TRIM54: variants seen among roughly 807,000 people sequenced by gnomAD.
TRIM54 encodes tripartite motif-containing protein 54.
In TRIM54, 40 loss-of-function variants were observed where a neutral mutation model predicts 42.0. The ratio of observed to expected loss-of-function variants is 0.95; its 90% CI spans 0.74 to 1.24. TRIM54 has a LOEUF of 1.24. Ranked by LOEUF, TRIM54 falls within the 50% of genes most tolerant of loss-of-function variation. The pLI is 0.00. For synonymous variants in TRIM54, 199 were observed against 194.9 expected (o/e 1.02, Z -0.17); for missense variants, 485 against 480.3 (o/e 1.01, Z -0.09).
chr2:27,295,685 G>A lies in TRIM54; in HGVS notation c.169-2882G>A, dbSNP rs1678849242. Among the ~76,000 whole-genome samples, 3 of 152,314 alleles carry A rather than the reference G, an allele frequency of 2.0e-5. No individual in the cohort carries two copies. The South Asian group carries it at 6.2e-4, about 32-fold the overall frequency. On this transcript the variant is annotated intron_variant, in intron 1 of 8. Coordinates refer to ENST00000380075, the MANE Select transcript of TRIM54 (RefSeq NM_187841.3). ...AAGAGGAAGGGTGCAGTGAGGGATG[G>A]AGGTTGGGGAGAGCGGCTGCCCAAG... is the stretch of plus-strand genomic sequence containing the variant.
At chr2:27,288,475 A>G (rs969876596) in intron 1 of TRIM54, among the ~76,000 whole-genome samples, 1 of 152,234 alleles carries the variant, frequency 6.6e-6, no homozygotes, top group Non-Finnish European at 1.5e-5. Flanking sequence ...AGCTCATGGC[A>G]TATATTCCAC....
At chr2:27,304,241 TAGATAGATATAG>T (rs1679118704) in intron 3 of TRIM54, among the ~76,000 whole-genome samples, 1 of 130,044 alleles carries the variant, frequency 7.7e-6, no homozygotes, top group Non-Finnish European at 1.6e-5. Flanking sequence ...GATAGATAGA[TAGATAGATATAG>T]ATATACAGAT....
Position 27,304,948 on chromosome 2 carries a change from G to A in TRIM54, c.514-11G>A. ...GTCCCAGCTCTGAGTGCTGACCTGT[G>A]TGTGTATCAGAGTGAGCTCAGCGAT... On this transcript the variant is annotated splice_polypyrimidine_tract_variant and intron_variant, in intron 3 of 8. Coordinates refer to ENST00000380075, the MANE Select transcript of TRIM54 (RefSeq NM_187841.3). The A allele has an allele frequency of 6.2e-7, 1 of 1,613,170 alleles. No individual in the cohort carries two copies. Among genetic ancestry groups the A allele is most frequent in the Non-Finnish European group, 8.5e-7 (1 of 1,179,366 alleles).
At chr2:27,296,603 C>A (rs931589421) in intron 1 of TRIM54, among the ~76,000 whole-genome samples, 1 of 152,176 alleles carries the variant, frequency 6.6e-6, no homozygotes, top group Non-Finnish European at 1.5e-5. Context: ...TCTTTCCAGC[C>A]AGCAGGCAGG....
intron 1 of TRIM54, 76 bp from the exon 2 acceptor site, chr2:27,298,491 A>G (rs1385553563): frequency 1.0e-5 from 12 of 1,201,980 alleles, no homozygotes; most frequent in East Asian, 7.1e-5. Context: ...CTAGCCCCCA[A>G]GCCCTTTCCC....
In TRIM54 at chr2:27,306,565, T is replaced by TA; in HGVS notation, c.*1+25dup. ...AAGGTGAGAGCCGCCCGATGGGCCT[T>TA]AAGGTGAGAGCGGCCTGAGGGGCTT... On this transcript the variant is annotated intron_variant, in intron 8 of 8. Transcript: ENST00000380075. The surrounding 1 kb of genome is among the most constrained non-coding windows in gnomAD (Gnocchi z 6.1). 2 of 1,521,794 alleles carry TA rather than the reference T, an allele frequency of 1.3e-6. No homozygotes were observed. Among genetic ancestry groups the TA allele is most frequent in the African/African-American group, 2.8e-5 (2 of 72,282 alleles). 94.3% of individuals were successfully genotyped at this position (1,521,794 alleles called of 1,614,324 possible). A position where few individuals can be genotyped will look rare whatever the true frequency, so the allele number is the denominator to read the frequency against.
At chr2:27,304,275 TATAG>T (rs1354316401) in intron 3 of TRIM54, among the ~76,000 whole-genome samples, 12 of 139,976 alleles carry the variant, frequency 8.6e-5, no homozygotes, top group South Asian at 2.3e-4. Context: ...TATATATATA[TATAG>T]ATAGATAGAT....
Position 27,298,754 on chromosome 2 carries a change from T to C in TRIM54, c.341+15T>C, listed in dbSNP as rs1678941566. ...GAGTCATCCAGGTGAGCCACCAGAG[T>C]CTCTTGCCTCTCTCATGACAGGGCT... On this transcript the variant is annotated intron_variant, in intron 2 of 8. Coordinates refer to ENST00000380075, the MANE Select transcript of TRIM54 (RefSeq NM_187841.3). 1 of 1,611,336 alleles carries C rather than the reference T, an allele frequency of 6.2e-7. No individual in the cohort carries two copies. The highest frequency in any genetic ancestry group is 8.5e-7 in the Non-Finnish European group (1 of 1,178,504).
At chr2:27,291,781 C>G (rs560020282) in intron 1 of TRIM54, among the ~76,000 whole-genome samples, 3 of 152,120 alleles carry the variant, frequency 2.0e-5, no homozygotes, top group Non-Finnish European at 4.4e-5. Flanking sequence ...GAAGGGCTGC[C>G]CTGGAGATTA....
chr2:27,307,181 T>TGGGAAGA lies in TRIM54; in HGVS notation c.*300_*306dup, dbSNP rs1012879157. On this transcript the variant is annotated 3_prime_UTR_variant, in exon 9 of 9. Coordinates refer to ENST00000380075, the MANE Select transcript of TRIM54 (RefSeq NM_187841.3). This position sits in a 1 kb window ranked among gnomAD's most constrained non-coding sequence, Gnocchi z 6.9. ...GAGCGAACTGGTGAGCCCAGCGCCC[T>TGGGAAGA]GGGAAGAGGGCCGAGGGCGGGGCGG... 2.7e-6 allele frequency: 1 copy of TGGGAAGA among 368,450 alleles called. No homozygotes were observed. Among genetic ancestry groups the TGGGAAGA allele is most frequent in the Non-Finnish European group, 5.0e-6 (1 of 201,102 alleles). 22.8% of individuals were successfully genotyped at this position (368,450 alleles called of 1,614,324 possible).
chr2:27,283,764 G>GCACACACGCACGCGCGCGCGCACACA (rs1558580798), intron 1 of TRIM54, among the ~76,000 whole-genome samples: 3 of 117,864 alleles, frequency 2.5e-5, no homozygotes, highest in Admixed American at 9.0e-5. Flanking sequence ...AGGGGCAAAG[G>GCACACACGCACGCGCGCGCGCACACA]CACACACACA....
chr2:27,288,852 G>A (rs1355133450), intron 1 of TRIM54, among the ~76,000 whole-genome samples: 1 of 152,168 alleles, frequency 6.6e-6, no homozygotes, highest in Non-Finnish European at 1.5e-5. Flanking sequence ...TCACATCATT[G>A]GCACGTGAAA....
intron 1 of TRIM54, among the ~76,000 whole-genome samples, chr2:27,284,547 G>A (rs1055946021): frequency 4.0e-5 from 6 of 151,884 alleles, no homozygotes; most frequent in African/African-American, 7.3e-5. Context: ...TTTCCCTCTC[G>A]GGGGGCCTAG....
At position 27,294,988 on chromosome 2, in the gene TRIM54, C is replaced by T. The variant is rs1678824327; in HGVS notation, c.169-3579C>T. Among the ~76,000 whole-genome samples the T allele has an allele frequency of 2.0e-5, 3 of 151,694 alleles. No homozygotes were observed. The South Asian group carries it at 6.2e-4, about 31-fold the overall frequency. The stretch of plus-strand genomic sequence containing the variant: ...GAAAGACTTAGAGCAAATCCTGGCT[C>T]AGTAGATGTTAGCCATTATTATTCT... On this transcript the variant is annotated intron_variant, in intron 1 of 8. Transcript: ENST00000380075.
intron 1 of TRIM54, among the ~76,000 whole-genome samples, chr2:27,287,786 C>T (rs1678617615): frequency 6.6e-6 from 1 of 152,266 alleles, no homozygotes. Flanking sequence ...AGTTCAGCCT[C>T]CAAAAGCTCT....
At chr2:27,305,265 C>T (rs896158875) in intron 4 of TRIM54, 11 of 597,660 alleles carry the variant, frequency 1.8e-5, no homozygotes, top group Middle Eastern at 7.5e-4. Flanking sequence ...CTTCTCTGTG[C>T]TTTGGTTTTG....
chr2:27,306,717 G>A lies in TRIM54; in HGVS notation c.*2-170G>A, dbSNP rs1183115884. Among the ~76,000 whole-genome samples the A allele has an allele frequency of 6.6e-6, 1 of 152,170 alleles. No homozygotes were observed. Among genetic ancestry groups the A allele is most frequent in the Admixed American group, 6.5e-5 (1 of 15,290 alleles). ...GCCACAAAGGCGCGCCCCCTAGGGC[G>A]GAAAAGTACACTTTCCTCCTCACCC... On this transcript the variant is annotated intron_variant, in intron 8 of 8. Coordinates refer to ENST00000380075, the MANE Select transcript of TRIM54 (RefSeq NM_187841.3). The surrounding 1 kb of genome is among the most constrained non-coding windows in gnomAD (Gnocchi z 6.1).
intron 3 of TRIM54, among the ~76,000 whole-genome samples, chr2:27,303,409 G>A (rs529859104): frequency 6.6e-5 from 10 of 152,202 alleles, no homozygotes; most frequent in Admixed American, 5.2e-4. Flanking sequence ...AAATTAGCCG[G>A]GCGTGGTTGC....
chr2:27,303,948 C>T (rs1220835566), intron 3 of TRIM54, among the ~76,000 whole-genome samples: 1 of 152,178 alleles, frequency 6.6e-6, no homozygotes, highest in Non-Finnish European at 1.5e-5. Context: ...TGTGGTGGCT[C>T]ACGCCGGTAA....
Sources: allele counts gnomAD v4.1 joint callset (sites outside exome capture counted in the v4.1 genomes callset), GRCh38; gene constraint gnomAD v4.1.1; non-coding constraint Gnocchi (gnomAD v3.1); transcripts MANE v1.5; gene names NCBI Gene and HGNC (gene_info 2026-07-23, HGNC 2026-07-21).